The following WDR70 variants were observed in gnomAD, a reference collection of about 807,000 sequenced individuals.
WDR70 encodes WD repeat domain 70.
WDR70 carries 53 observed loss-of-function variants against 88.6 expected under a neutral mutation model. The ratio of observed to expected loss-of-function variants is 0.60; its 90% CI spans 0.48 to 0.75. The LOEUF is 0.75. Ranked by LOEUF, WDR70 falls within the 30% of genes least tolerant of loss-of-function variation. The probability of loss-of-function intolerance (pLI) is 0.00; values close to 1 mark genes in which losing one functional copy is unlikely to be tolerated. For synonymous variants in WDR70, 280 were observed against 270.0 expected, an observed-to-expected ratio of 1.04 and a Z score of -0.36; for missense variants, 610 against 823.2, an observed-to-expected ratio of 0.74 and a Z score of 3.17.
At chr5:37,595,490 A>C (rs1743675639) in intron 9 of WDR70, among the ~76,000 whole-genome samples, 1 of 152,200 alleles carries the variant, frequency 6.6e-6, no homozygotes, top group Non-Finnish European at 1.5e-5. Flanking sequence ...CAGAAGAGTC[A>C]ATAGTATTAA....
intron 17 of WDR70, among the ~76,000 whole-genome samples, chr5:37,734,202 A>C (rs773097881): frequency 6.6e-6 from 1 of 152,124 alleles, no homozygotes; most frequent in East Asian, 1.9e-4. Flanking sequence ...TAAAATAACC[A>C]TCAGTGATAG....
chr5:37,564,262 G>A (rs555568473), intron 9 of WDR70, among the ~76,000 whole-genome samples: 4,077 of 152,274 alleles, frequency 0.027, 188 homozygotes, highest in African/African-American at 0.092. Context: ...ACGCGACTCC[G>A]TCTGCCATCC....
intron 10 of WDR70, among the ~76,000 whole-genome samples, chr5:37,622,926 G>C (rs1011162006): frequency 6.6e-6 from 1 of 151,938 alleles, no homozygotes; most frequent in Middle Eastern, 3.2e-3. Flanking sequence ...TGTCAAAAAT[G>C]TAAAAAACCA....
intron 7 of WDR70, among the ~76,000 whole-genome samples, chr5:37,479,248 G>A (rs896995889): frequency 2.6e-5 from 4 of 152,124 alleles, no homozygotes; most frequent in Admixed American, 2.0e-4. Context: ...AGCTGAAAGA[G>A]GGAGAGTTGG....
Position 37,541,090 on chromosome 5 carries a change from G to C in WDR70, c.917+24500G>C, listed in dbSNP as rs189987378. Among the ~76,000 whole-genome samples, 37 of 152,290 alleles carry C rather than the reference G, an allele frequency of 2.4e-4. No homozygotes were observed. The East Asian group carries it at 6.9e-3, about 29-fold the overall frequency. On this transcript the variant is annotated intron_variant, in intron 9 of 17. Transcript: ENST00000265107. The stretch of plus-strand genomic sequence containing the variant: ...TTAAAAAAGAGTCTTAACTACCACA[G>C]AGTTAATTGCCTCACTTTTCAAAAA...
chr5:37,567,272 T>C (rs1742772790), intron 9 of WDR70, among the ~76,000 whole-genome samples: 1 of 152,012 alleles, frequency 6.6e-6, no homozygotes, highest in African/African-American at 2.4e-5. Context: ...AAATCCATGG[T>C]CTCAGGAGCA....
chr5:37,527,654 C>T (rs997011186), intron 9 of WDR70, among the ~76,000 whole-genome samples: 7 of 152,140 alleles, frequency 4.6e-5, no homozygotes, highest in Non-Finnish European at 7.4e-5. Flanking sequence ...AACTAAAGAG[C>T]TTCTGCACAG....
intron 10 of WDR70, among the ~76,000 whole-genome samples, chr5:37,688,577 A>C (rs1207710436): frequency 6.6e-6 from 1 of 152,180 alleles, no homozygotes. Flanking sequence ...GTAGTTGGTA[A>C]CTTGATGGGA....
chr5:37,534,470 G>A (rs1741595987), intron 9 of WDR70, among the ~76,000 whole-genome samples: 1 of 143,310 alleles, frequency 7.0e-6, no homozygotes, highest in African/African-American at 2.6e-5. Context: ...ATGCATATCA[G>A]TTTTTCCCCC....
At chr5:37,477,915 A>G (rs2112151462) in intron 7 of WDR70, among the ~76,000 whole-genome samples, 1 of 152,318 alleles carries the variant, frequency 6.6e-6, no homozygotes, top group East Asian at 1.9e-4. Context: ...TGGATTGCCC[A>G]TATCCCCTGG....
chr5:37,425,072 C>G (rs1227501352), intron 5 of WDR70, among the ~76,000 whole-genome samples: 1 of 152,122 alleles, frequency 6.6e-6, no homozygotes, highest in Non-Finnish European at 1.5e-5. Context: ...ATGGCAAAAC[C>G]CTGTCTCTAC....
intron 11 of WDR70, 86 bp downstream of exon 11, chr5:37,697,840 G>T: frequency 1.7e-6 from 2 of 1,144,690 alleles, no homozygotes; most frequent in Non-Finnish European, 2.5e-6. Flanking sequence ...CTAGTGCTTA[G>T]TAAAGCTTGC....
intron 15 of WDR70, 45 bp downstream of exon 15, chr5:37,722,979 C>G (rs1276294380): frequency 5.0e-6 from 8 of 1,603,480 alleles, no homozygotes; most frequent in South Asian, 2.2e-5. Context: ...CTCTTCTACT[C>G]TCATGTGGTT....
In WDR70 at chr5:37,512,999, T is replaced by A. The variant is rs1370238012; in HGVS notation, c.841-3515T>A. Reference sequence around the variant, plus strand: ...GGGGGCCATCAACCCACTTACAGGGTAGATAGTTATCTGGGGTATTCCCTT... The same window carrying A: ...GGGGGCCATCAACCCACTTACAGGGAAGATAGTTATCTGGGGTATTCCCTT... On this transcript the variant is annotated intron_variant, in intron 8 of 17. Transcript: ENST00000265107. Among the ~76,000 whole-genome samples, 4 of 152,238 alleles carry A rather than the reference T, an allele frequency of 2.6e-5. No homozygotes were observed. The South Asian group carries it at 6.2e-4, about 24-fold the overall frequency.
At chr5:37,487,625 G>A (rs10574944) in intron 8 of WDR70, among the ~76,000 whole-genome samples, 431 of 11,580 alleles carry the variant, frequency 0.037, 3 homozygotes, top group African/African-American at 0.056. Context: ...ATATATATAT[G>A]TATTTTTTTT....
At chr5:37,601,775 G>A (rs986876417) in intron 9 of WDR70, among the ~76,000 whole-genome samples, 3 of 152,072 alleles carry the variant, frequency 2.0e-5, no homozygotes, top group African/African-American at 7.2e-5. Context: ...GCACACGTAT[G>A]TTTATTGTGG....
At chr5:37,674,575 T>A (rs1746138923) in intron 10 of WDR70, among the ~76,000 whole-genome samples, 1 of 152,220 alleles carries the variant, frequency 6.6e-6, no homozygotes, top group African/African-American at 2.4e-5. Flanking sequence ...CCCTTTTTTA[T>A]GGCTGCATAG....
intron 10 of WDR70, among the ~76,000 whole-genome samples, chr5:37,640,389 GATAT>G (rs1745074622): frequency 6.6e-6 from 1 of 152,126 alleles, no homozygotes; most frequent in African/African-American, 2.4e-5. Context: ...TTCTTCTATA[GATAT>G]GTGTTACTCT....
intron 5 of WDR70, among the ~76,000 whole-genome samples, chr5:37,431,474 C>G (rs1750301129): frequency 6.6e-6 from 1 of 152,150 alleles, no homozygotes; most frequent in Non-Finnish European, 1.5e-5. Flanking sequence ...CCTGTGCTTA[C>G]ACTGGCATTT....
Sources: allele counts gnomAD v4.1 joint callset (sites outside exome capture counted in the v4.1 genomes callset), GRCh38; gene constraint gnomAD v4.1.1; transcripts MANE v1.5; gene names NCBI Gene and HGNC (gene_info 2026-07-23, HGNC 2026-07-21).